Variants in TSC2 observed in about 807,000 individuals in gnomAD.
TSC2 encodes the protein tuberin.
Under a neutral mutation model 202.2 loss-of-function variants are expected in TSC2, and 29 were observed. The observed-to-expected ratio is 0.14, with a 90% CI of 0.11 to 0.20. The LOEUF is 0.20. Among genes scored for constraint, TSC2 ranks in the 10% least tolerant of loss-of-function variants. TSC2 has a pLI of 1.00. For synonymous variants in TSC2, 1,349 were observed against 1,044.0 expected (o/e 1.29, Z -5.63); for missense variants, 2,429 against 2,420.0 (o/e 1.00, Z -0.08).
chr16:2,081,929 C>T (rs1432195240), intron 31 of TSC2, 131 bp downstream of exon 31: 3 of 1,272,040 alleles, frequency 2.4e-6, no homozygotes, highest in Non-Finnish European at 3.3e-6. Flanking sequence ...GCCTCAGCAC[C>T]ATTGTTCTCC....
At position 2,084,573 on chromosome 16, in the gene TSC2, C is replaced by A. The variant is rs369553241; in HGVS notation, c.4351C>A (p.Arg1451Ser). 6 of 1,607,480 alleles carry A rather than the reference C, an allele frequency of 3.7e-6. No individual in the cohort carries two copies. Among genetic ancestry groups the A allele is most frequent in the Admixed American group, 3.3e-5 (2 of 59,980 alleles). Residue 1451 changes from arginine (R) to serine (S), a missense_variant, in exon 34 of 42, where the codon CGC (arginine) becomes AGC (serine). Arg to Ser is a moderately radical substitution (Grantham distance 110). Transcript: ENST00000219476. ...PEGPLPSSSP[R>S]SPSGLRPRGY... Reference sequence around the variant, plus strand: ...GGGTCCCTTGCCTTCCAGCTCCCCCCGCTCGCCCAGTGGCCTCCGGCCCCG... The same window carrying A: ...GGGTCCCTTGCCTTCCAGCTCCCCCAGCTCGCCCAGTGGCCTCCGGCCCCG...
At chr16:2,084,813 G>C in intron 34 of TSC2, 98 bp downstream of exon 34, 1 of 1,598,448 alleles carries the variant, frequency 6.3e-7, no homozygotes, top group Non-Finnish European at 8.5e-7. Flanking sequence ...TGGGGTCCTC[G>C]CCTGTGCCCT....
In TSC2 at chr16:2,071,886, C is replaced by T. The variant is rs569518378; in HGVS notation, c.2049C>T (p.Ser683=). The T allele has an allele frequency of 3.5e-5, 56 of 1,597,428 alleles. 1 individual carries two copies. In the Middle Eastern group the frequency reaches 6.7e-4, roughly 19 times the overall value. The stretch of plus-strand genomic sequence containing the variant: ...CAGGCCCCGCCGTGCGGCTGGGGTC[C>T]GTGCCCTACTCCCTGCTCTTCCGCG... ...APAGPAVRLG[S]VPYSLLFRVL... is the part of the protein sequence containing the mutation. Residue 683 remains serine (S), a synonymous_variant, in exon 19 of 42, where the codon TCC becomes TCT. Coordinates refer to ENST00000219476, the MANE Select transcript of TSC2 (RefSeq NM_000548.5).
At chr16:2,074,517 G>A (rs1460290257) in intron 22 of TSC2, 128 bp downstream of exon 22, 41 of 1,221,264 alleles carry the variant, frequency 3.4e-5, no homozygotes, top group African/African-American at 4.5e-5. Context: ...CTGCCTCAGG[G>A]CCTGGGCGTC....
At chr16:2,069,234 C>T (rs1022381542) in intron 16 of TSC2, among the ~76,000 whole-genome samples, 1 of 152,142 alleles carries the variant, frequency 6.6e-6, no homozygotes, top group Non-Finnish European at 1.5e-5. Context: ...GTGTGAACCC[C>T]CACCTCCACC....
chr16:2,063,559 G>T lies in TSC2; in HGVS notation c.1443+506G>T, dbSNP rs570719682. The T allele has an allele frequency of 1.6e-5, 4 of 254,830 alleles. No individual in the cohort carries two copies. The South Asian group carries it at 1.9e-4, about 12-fold the overall frequency. 15.8% of individuals were successfully genotyped at this position (254,830 alleles called of 1,614,324 possible). ...GCCAGTCATACCCCTTTCCCAGGAG[G>T]CGCAGCTTAGGCTCTGAGGCTGTCC... On this transcript the variant is annotated intron_variant, in intron 14 of 41. Transcript: ENST00000219476.
intron 6 of TSC2, 56 bp downstream of exon 6, chr16:2,055,575 T>C: frequency 6.6e-7 from 1 of 1,518,562 alleles, no homozygotes; most frequent in Non-Finnish European, 9.1e-7. Flanking sequence ...AGCTCCGCAG[T>C]GAATAAAGTT....
At chr16:2,049,332 C>A (rs1187041054) in intron 2 of TSC2, among the ~76,000 whole-genome samples, 1 of 151,782 alleles carries the variant, frequency 6.6e-6, no homozygotes, top group East Asian at 2.0e-4. Flanking sequence ...GTGATCTGCC[C>A]GCTTTGGCCT....
intron 16 of TSC2, among the ~76,000 whole-genome samples, 173 bp downstream of exon 16, chr16:2,065,808 G>C (rs2087271367): frequency 6.6e-6 from 1 of 152,174 alleles, no homozygotes; most frequent in Admixed American, 6.6e-5. Flanking sequence ...TCTTGTGGAG[G>C]GATGGATGCA....
rs137854084 is a variant in TSC2, at chr16:2,084,266, C to T, written c.4044C>T (p.His1348=). Residue 1348 remains histidine, a synonymous_variant, in exon 34 of 42, where the codon CAC becomes CAT. Coordinates refer to ENST00000219476, the MANE Select transcript of TSC2 (RefSeq NM_000548.5). The stretch of plus-strand genomic sequence containing the variant: ...CCAGCCAGGAGGAGAAGTCGCTCCA[C>T]GCGGAGGAGCTGGTTGGCAGGGGCA... ...SVSSQEEKSL[H]AEELVGRGIP... is the part of the protein sequence containing the mutation. 2.5e-5 allele frequency: 40 copies of T among 1,608,226 alleles called. No individual in the cohort carries two copies. The African/African-American group carries it at 2.9e-4, about 12-fold the overall frequency.
intron 10 of TSC2, among the ~76,000 whole-genome samples, chr16:2,060,045 G>T (rs1397967247): frequency 6.6e-6 from 1 of 151,946 alleles, no homozygotes; most frequent in Admixed American, 6.6e-5. Flanking sequence ...GCTGCCTCGG[G>T]GGTAGCCGTT....
In TSC2 at chr16:2,075,818, C is replaced by T. The variant is rs143537386; in HGVS notation, c.2565C>T (p.His855=). 393 of 1,612,970 alleles carry T rather than the reference C, an allele frequency of 2.4e-4. 1 individual carries two copies. The African/African-American group carries it at 4.6e-3, about 19-fold the overall frequency. ...EFLSTLARLP[H]LYRNFAAEQY... is the part of the protein sequence containing the mutation. The stretch of plus-strand genomic sequence containing the variant: ...CCGCAGCTCTGGCCAGGCTGCCGCA[C>T]CTCTACAGGAACTTTGCCGCGGAGC... Residue 855 remains histidine, a synonymous_variant, in exon 23 of 42, where the codon CAC becomes CAT. Transcript: ENST00000219476.
At chr16:2,082,715 G>A in intron 32 of TSC2, 2 of 641,246 alleles carry the variant, frequency 3.1e-6, no homozygotes, top group Admixed American at 2.3e-5. Context: ...GCTGAGCCCT[G>A]TTCCCACGCT....
At chr16:2,057,557 C>T (rs1477341145) in intron 9 of TSC2, among the ~76,000 whole-genome samples, 1 of 152,164 alleles carries the variant, frequency 6.6e-6, no homozygotes, top group Non-Finnish European at 1.5e-5. Context: ...TGGCTCAGCT[C>T]TGCCCACACC....
intron 33 of TSC2, among the ~76,000 whole-genome samples, 156 bp from the exon 34 acceptor site, chr16:2,084,072 C>T (rs2090461158): frequency 6.6e-6 from 1 of 152,230 alleles, no homozygotes; most frequent in Non-Finnish European, 1.5e-5. Flanking sequence ...GGTGGCAGTG[C>T]TGCTGCGTCA....
At position 2,048,039 on chromosome 16, in the gene TSC2, G is replaced by T. The variant is rs1220555639; in HGVS notation, c.-56G>T. 4 of 1,429,854 alleles carry T rather than the reference G, an allele frequency of 2.8e-6. No homozygotes were observed. The highest frequency in any genetic ancestry group is 1.5e-5 in the African/African-American group (1 of 67,094). The allele number at this position is 1,429,854 out of a possible 1,614,324, so 88.6% of individuals were successfully genotyped here. A position where few individuals can be genotyped will look rare whatever the true frequency, so the allele number is the denominator to read the frequency against. On this transcript the variant is annotated 5_prime_UTR_variant, in exon 1 of 42. Transcript: ENST00000219476. ...GTGCGCCTTTCTCCGCGTCGGGGCGGCCCGGAGCGCGGTGGCGCGGCGCGG... is the reference window on the plus strand; with the variant it reads ...GTGCGCCTTTCTCCGCGTCGGGGCGTCCCGGAGCGCGGTGGCGCGGCGCGG...
At chr16:2,080,447 C>T (rs994886178) in intron 30 of TSC2, 70 bp downstream of exon 30, 10 of 1,558,004 alleles carry the variant, frequency 6.4e-6, no homozygotes, top group African/African-American at 5.4e-5. Context: ...CACTCAGGGG[C>T]GATTGCAGAC....
chr16:2,059,494 A>G (rs143415236), intron 10 of TSC2, among the ~76,000 whole-genome samples: 2,444 of 131,472 alleles, frequency 0.019, 60 homozygotes, highest in African/African-American at 0.066. Context: ...TGCCTGCCAC[A>G]GTGCCTGGCT....
chr16:2,072,105 G>T (rs1446056784), intron 19 of TSC2, 136 bp from the exon 20 acceptor site: 6 of 1,543,186 alleles, frequency 3.9e-6, no homozygotes, highest in Non-Finnish European at 5.2e-6. Context: ...CCTGCGCTGG[G>T]CAGGCTCCCC....
Sources: allele counts gnomAD v4.1 joint callset (sites outside exome capture counted in the v4.1 genomes callset), GRCh38; gene constraint gnomAD v4.1.1; transcripts MANE v1.5; gene names NCBI Gene and HGNC (gene_info 2026-07-23, HGNC 2026-07-21).